Variants in CCDC148 observed in about 807,000 individuals in gnomAD.
CCDC148 encodes the protein coiled-coil domain-containing protein 148.
In CCDC148, 89 loss-of-function variants were observed where a neutral mutation model predicts 85.7. The ratio of observed to expected loss-of-function variants is 1.04; its 90% CI spans 0.87 to 1.24. CCDC148 has a LOEUF of 1.24. Ranked by LOEUF, CCDC148 falls within the 50% of genes most tolerant of loss-of-function variation. The probability of loss-of-function intolerance (pLI) is 0.00; values close to 1 mark genes in which losing one functional copy is unlikely to be tolerated. For synonymous variants in CCDC148, 230 were observed against 213.9 expected, an observed-to-expected ratio of 1.08 and a Z score of -0.66; for missense variants, 692 against 671.7, an observed-to-expected ratio of 1.03 and a Z score of -0.33.
At chr2:158,376,341 T>C (rs1193169023) in intron 1 of CCDC148, among the ~76,000 whole-genome samples, 3 of 151,962 alleles carry the variant, frequency 2.0e-5, no homozygotes, top group Admixed American at 2.0e-4. Context: ...AAAAGTAACA[T>C]AAAAGAATGC....
intron 11 of CCDC148, among the ~76,000 whole-genome samples, chr2:158,189,475 A>G (rs530979093): frequency 3.3e-5 from 5 of 152,044 alleles, no homozygotes; most frequent in Admixed American, 6.6e-5. Flanking sequence ...TCCCACAGGA[A>G]GTTAACACGT....
Position 158,371,662 on chromosome 2 carries a change from G to C in CCDC148, c.26-13092C>G, listed in dbSNP as rs553921511. Among the ~76,000 whole-genome samples, 3 of 147,258 alleles carry C rather than the reference G, an allele frequency of 2.0e-5. No individual in the cohort carries two copies. In the East Asian group the frequency reaches 5.9e-4, roughly 29 times the overall value. The stretch of plus-strand genomic sequence containing the variant: ...TCTTTCCATATCATTCTATTTGTGT[G>C]TTCATATACATATATATATATATAC... On this transcript the variant is annotated intron_variant, in intron 1 of 13. Transcript: ENST00000283233.
intron 7 of CCDC148, among the ~76,000 whole-genome samples, chr2:158,324,916 AGAG>A (rs1251747802): frequency 6.6e-6 from 1 of 151,676 alleles, no homozygotes; most frequent in Non-Finnish European, 1.5e-5. Flanking sequence ...CTCACCTGTT[AGAG>A]TAGCAGATGA....
At chr2:158,316,449 A>G (rs1692286514) in intron 7 of CCDC148, among the ~76,000 whole-genome samples, 1 of 152,336 alleles carries the variant, frequency 6.6e-6, no homozygotes, top group Admixed American at 6.5e-5. Flanking sequence ...CAAGCATGCC[A>G]TGAACTGTCA....
chr2:158,348,923 T>C (rs1683126662), intron 2 of CCDC148, among the ~76,000 whole-genome samples: 1 of 152,110 alleles, frequency 6.6e-6, no homozygotes, highest in Admixed American at 6.5e-5. Context: ...ACAGTTAAAA[T>C]ACTGGGAATG....
At chr2:158,436,057 A>C (rs536870148) in intron 1 of CCDC148, among the ~76,000 whole-genome samples, 1 of 152,342 alleles carries the variant, frequency 6.6e-6, no homozygotes, top group Non-Finnish European at 1.5e-5. Context: ...TGTCAACATC[A>C]GACAGATCAA....
At chr2:158,409,026 T>A (rs980905586) in intron 1 of CCDC148, among the ~76,000 whole-genome samples, 1 of 152,132 alleles carries the variant, frequency 6.6e-6, no homozygotes, top group African/African-American at 2.4e-5. Context: ...GGATTATTTG[T>A]GCTTTTGCTA....
At position 158,411,135 on chromosome 2, in the gene CCDC148, T is replaced by C. The variant is rs1032392010; in HGVS notation, c.25+45280A>G. ...GTTCAAAATTGTCTGTCTTTGACTT[T>C]TTACAGTTATAATGTGCCTCAGAGT... On this transcript the variant is annotated intron_variant, in intron 1 of 13. Transcript: ENST00000283233. Among the ~76,000 whole-genome samples, 11 of 152,302 alleles carry C rather than the reference T, an allele frequency of 7.2e-5. No individual in the cohort carries two copies. The East Asian group carries it at 2.1e-3, about 29-fold the overall frequency.
intron 7 of CCDC148, among the ~76,000 whole-genome samples, chr2:158,332,085 C>A (rs891416714): frequency 6.6e-6 from 1 of 152,088 alleles, no homozygotes. Flanking sequence ...TTAGTTGATG[C>A]AGTTTCTTCC....
chr2:158,417,910 G>A (rs1299442487), intron 1 of CCDC148, among the ~76,000 whole-genome samples: 1 of 152,028 alleles, frequency 6.6e-6, no homozygotes, highest in African/African-American at 2.4e-5. Flanking sequence ...TGGATACTAA[G>A]CCAATTTTTG....
intron 1 of CCDC148, among the ~76,000 whole-genome samples, chr2:158,438,188 C>G (rs1687755982): frequency 6.6e-6 from 1 of 152,082 alleles, no homozygotes; most frequent in Non-Finnish European, 1.5e-5. Flanking sequence ...GCCAAAAGAA[C>G]AAAGCTGGAG....
At chr2:158,235,957 C>T (rs1688086712) in intron 10 of CCDC148, 1 of 152,388 alleles carries the variant, frequency 6.6e-6, no homozygotes, top group Non-Finnish European at 1.5e-5. Flanking sequence ...ACCTCTCCCT[C>T]ACCTTGATCT....
At chr2:158,320,644 T>C (rs770299620) in intron 7 of CCDC148, among the ~76,000 whole-genome samples, 2 of 152,200 alleles carry the variant, frequency 1.3e-5, no homozygotes, top group Non-Finnish European at 2.9e-5. Context: ...TTCTGTATTA[T>C]CCAATAACAA....
intron 10 of CCDC148, among the ~76,000 whole-genome samples, chr2:158,225,154 C>A (rs1400859263): frequency 6.6e-6 from 1 of 152,094 alleles, no homozygotes; most frequent in Non-Finnish European, 1.5e-5. Context: ...GGGTTGCAAT[C>A]CTAGTCTCTG....
At position 158,172,241 on chromosome 2, in the gene CCDC148, G is replaced by C; in HGVS notation, c.1648C>G (p.Leu550Val). 1 of 1,604,558 alleles carries C rather than the reference G, an allele frequency of 6.2e-7. No homozygotes were observed. ...TCTCGAAGTGCTAACTCGAAGCGAA[G>C]TCTAGGGTCAGAAATTATCTGTAGA... ...NEQQIISDPRLRFELALREAG... is the reference protein window; with the variant it reads ...NEQQIISDPRVRFELALREAG... The change falls in exon 14 of 14, where the codon CTT (leucine) becomes GTT (valine). Residue 550 changes from leucine to valine, a missense_variant. Leu to Val is a conservative substitution (Grantham distance 32, BLOSUM62 1). Coordinates refer to ENST00000283233, the MANE Select transcript of CCDC148 (RefSeq NM_138803.4).
intron 11 of CCDC148, among the ~76,000 whole-genome samples, chr2:158,203,985 G>A (rs959535798): frequency 3.9e-5 from 6 of 152,104 alleles, no homozygotes; most frequent in African/African-American, 1.4e-4. Context: ...CCTTATTCCT[G>A]TAGTTTAAAC....
chr2:158,327,384 T>C (rs1454372528), intron 7 of CCDC148, among the ~76,000 whole-genome samples: 1 of 152,188 alleles, frequency 6.6e-6, no homozygotes, highest in Non-Finnish European at 1.5e-5. Context: ...ACATATTATA[T>C]GACTTACACA....
At chr2:158,395,296 C>G (rs1685476198) in intron 1 of CCDC148, among the ~76,000 whole-genome samples, 1 of 152,070 alleles carries the variant, frequency 6.6e-6, no homozygotes, top group South Asian at 2.1e-4. Context: ...CCAACTTCCA[C>G]AGCCCAGTCA....
chr2:158,285,045 T>C (rs1055275229), intron 9 of CCDC148, among the ~76,000 whole-genome samples: 1 of 152,176 alleles, frequency 6.6e-6, no homozygotes, highest in Non-Finnish European at 1.5e-5. Context: ...CTCAACACTT[T>C]GGGAGGCCAA....
Sources: gnomAD v4.1 joint callset for allele counts (sites outside exome capture counted in the v4.1 genomes callset) on GRCh38, gnomAD v4.1.1 for gene constraint, MANE v1.5 for transcripts, NCBI Gene and HGNC (gene_info 2026-07-23, HGNC 2026-07-21) for gene names.